The following TRIQK variants were observed in gnomAD, a reference collection of about 807,000 sequenced individuals.
The protein encoded by TRIQK is triple QxxK/R motif-containing protein.
A neutral mutation model predicts 10.8 loss-of-function variants in TRIQK; 10 were observed. The ratio of observed to expected loss-of-function variants is 0.92; its 90% CI spans 0.57 to 1.57. The LOEUF (loss-of-function observed/expected upper bound fraction) is 1.57, where lower values mean the gene tolerates loss of function less well. Ranked by LOEUF, TRIQK falls within the 40% of genes most tolerant of loss-of-function variation. TRIQK has a pLI of 0.00. For synonymous variants in TRIQK, 33 were observed against 33.7 expected, an observed-to-expected ratio of 0.98 and a Z score of 0.07; for missense variants, 107 against 97.7, an observed-to-expected ratio of 1.09 and a Z score of -0.40.
intron 1 of TRIQK, chr8:92,965,195 A>T (rs1406207072): frequency 6.6e-6 from 1 of 152,188 alleles, no homozygotes; most frequent in Admixed American, 6.5e-5. Context: ...GAGATTATAC[A>T]TTGGGGCTCC....
intron 1 of TRIQK, among the ~76,000 whole-genome samples, chr8:92,963,208 T>C (rs1397016508): frequency 6.6e-6 from 1 of 152,204 alleles, no homozygotes; most frequent in Non-Finnish European, 1.5e-5. Flanking sequence ...CAGGTGCATA[T>C]ATACATTTAT....
chr8:92,890,444 A>G lies in TRIQK; in HGVS notation c.147+1545T>C, dbSNP rs571742658. On this transcript the variant is annotated intron_variant, in intron 4 of 4. Coordinates refer to ENST00000521988, the MANE Select transcript of TRIQK (RefSeq NM_001171797.2). ...AAATATTAAATAAAATCTAAGAAAA[A>G]TGTTTTCTCATAGAAAGATTAGCAA... is the stretch of plus-strand genomic sequence containing the variant. Among the ~76,000 whole-genome samples the G allele has an allele frequency of 6.6e-5, 10 of 151,898 alleles. No individual in the cohort carries two copies. The South Asian group carries it at 2.1e-3, about 31-fold the overall frequency.
intron 3 of TRIQK, among the ~76,000 whole-genome samples, chr8:92,898,012 G>C (rs929413609): frequency 1.3e-5 from 2 of 152,020 alleles, no homozygotes; most frequent in Non-Finnish European, 2.9e-5. Flanking sequence ...GAATCTGTCA[G>C]ACCTTTTAAA....
intron 2 of TRIQK, among the ~76,000 whole-genome samples, chr8:92,946,634 A>C (rs1367818904): frequency 1.3e-5 from 2 of 152,080 alleles, no homozygotes; most frequent in African/African-American, 4.8e-5. Context: ...AAAGCAATTA[A>C]TATTTTTAAG....
chr8:92,977,901 T>C (rs888252621), intron 1 of TRIQK, among the ~76,000 whole-genome samples: 2 of 152,310 alleles, frequency 1.3e-5, no homozygotes, highest in East Asian at 3.9e-4. Flanking sequence ...TGTCTTACTA[T>C]TGACCTAGTT....
At chr8:92,976,273 G>A (rs1812931394) in intron 1 of TRIQK, among the ~76,000 whole-genome samples, 1 of 151,836 alleles carries the variant, frequency 6.6e-6, no homozygotes, top group Admixed American at 6.6e-5. Flanking sequence ...CTATAATTAT[G>A]AATTTGTGCA....
chr8:92,913,247 A>G (rs1322253095), intron 3 of TRIQK, among the ~76,000 whole-genome samples: 1 of 152,190 alleles, frequency 6.6e-6, no homozygotes, highest in Non-Finnish European at 1.5e-5. Flanking sequence ...CATTTAACAC[A>G]AAGTTCACCA....
At chr8:92,901,241 CTTTT>C (rs370120536) in intron 3 of TRIQK, among the ~76,000 whole-genome samples, 25 of 152,192 alleles carry the variant, frequency 1.6e-4, no homozygotes, top group African/African-American at 4.8e-4. Flanking sequence ...TCCTTTCTTT[CTTTT>C]GTCTGATTGC....
intron 2 of TRIQK, among the ~76,000 whole-genome samples, chr8:92,932,895 A>C (rs1206763939): frequency 6.6e-6 from 1 of 152,054 alleles, no homozygotes; most frequent in Non-Finnish European, 1.5e-5. Flanking sequence ...TCCTTTTGGC[A>C]TATCACCTTT....
intron 1 of TRIQK, among the ~76,000 whole-genome samples, chr8:92,991,244 C>G (rs560001450): frequency 6.6e-6 from 1 of 152,338 alleles, no homozygotes; most frequent in Non-Finnish European, 1.5e-5. Context: ...TAAAGGGCAG[C>G]AGCCCCAGTC....
chr8:92,980,725 T>C (rs1190162451), intron 1 of TRIQK, among the ~76,000 whole-genome samples: 3 of 151,976 alleles, frequency 2.0e-5, no homozygotes. Flanking sequence ...TTCTCTTATA[T>C]TTTAAATGTT....
chr8:92,979,366 T>A (rs1812962950), intron 1 of TRIQK, among the ~76,000 whole-genome samples: 1 of 152,112 alleles, frequency 6.6e-6, no homozygotes. Flanking sequence ...AATTTTTTCA[T>A]ATATATCCAA....
intron 1 of TRIQK, among the ~76,000 whole-genome samples, chr8:93,002,024 C>G (rs1586528125): frequency 6.6e-6 from 1 of 151,926 alleles, no homozygotes; most frequent in East Asian, 1.9e-4. Context: ...TGTTCCTGAC[C>G]AAGGAGTCAA....
At chr8:92,997,307 T>C (rs1024138181) in intron 1 of TRIQK, among the ~76,000 whole-genome samples, 1 of 151,968 alleles carries the variant, frequency 6.6e-6, no homozygotes, top group African/African-American at 2.4e-5. Flanking sequence ...TTCAAAAATA[T>C]TATGGATCTT....
intron 4 of TRIQK, among the ~76,000 whole-genome samples, chr8:92,890,245 T>C (rs1476439312): frequency 6.6e-6 from 1 of 151,748 alleles, no homozygotes; most frequent in Non-Finnish European, 1.5e-5. Context: ...GTTCTGATTC[T>C]AAAAAGTTTC....
At chr8:92,897,448 A>G (rs966590000) in intron 3 of TRIQK, among the ~76,000 whole-genome samples, 37 of 152,150 alleles carry the variant, frequency 2.4e-4, no homozygotes, top group African/African-American at 8.4e-4. Context: ...TTAAGAGATT[A>G]TTAGGTCATA....
intron 1 of TRIQK, among the ~76,000 whole-genome samples, chr8:92,998,959 C>A (rs534549816): frequency 2.6e-4 from 40 of 152,078 alleles, no homozygotes; most frequent in Non-Finnish European, 4.9e-4. Flanking sequence ...GGAAATATTT[C>A]TCTGGTAGAG....
chr8:92,994,088 T>C (rs1813126069), intron 1 of TRIQK, among the ~76,000 whole-genome samples: 1 of 152,212 alleles, frequency 6.6e-6, no homozygotes, highest in Non-Finnish European at 1.5e-5. Context: ...GTTATTTTTG[T>C]ACACTAACTC....
chr8:92,959,602 A>G (rs1252989070), intron 1 of TRIQK, among the ~76,000 whole-genome samples: 2 of 151,954 alleles, frequency 1.3e-5, no homozygotes, highest in Non-Finnish European at 2.9e-5. Flanking sequence ...AGGAAACACG[A>G]AGTAGTTTAG....
Sources: allele counts gnomAD v4.1 joint callset (sites outside exome capture counted in the v4.1 genomes callset), GRCh38; gene constraint gnomAD v4.1.1; transcripts MANE v1.5; gene names NCBI Gene and HGNC (gene_info 2026-07-23, HGNC 2026-07-21).